CEACAM18: variants seen among roughly 807,000 people sequenced by gnomAD.
CEACAM18 encodes CEA cell adhesion molecule 18, also known as cell adhesion molecule CEACAM18.
In CEACAM18, 33 loss-of-function variants were observed where a neutral mutation model predicts 34.3. That is an observed-to-expected ratio of 0.96 (90% CI 0.73 to 1.29). The LOEUF (loss-of-function observed/expected upper bound fraction) is 1.29. CEACAM18 is among the 50% of genes most tolerant of loss of function. The probability of loss-of-function intolerance (pLI) is 0.00; values close to 1 mark genes in which losing one functional copy is unlikely to be tolerated. For missense variants in CEACAM18, 474 were observed against 485.0 expected, an observed-to-expected ratio of 0.98 and a Z score of 0.21; for synonymous variants, 169 against 180.9, an observed-to-expected ratio of 0.93 and a Z score of 0.53.
rs986031671 is a variant in CEACAM18 at position 51,486,523 on chromosome 19, G to T, written c.1089+1401G>T. On this transcript the variant is annotated intron_variant, in intron 5 of 5. Transcript: ENST00000396477. Reference sequence around the variant, plus strand: ...TACTAAGACTGTAGTAGGAGCAGCCGATGGAACTACTTGAGCCCCCTGGTC... The same window carrying T: ...TACTAAGACTGTAGTAGGAGCAGCCTATGGAACTACTTGAGCCCCCTGGTC... 2.6e-5 allele frequency among the ~76,000 whole-genome samples: 4 copies of T among 151,888 alleles called. No individual in the cohort carries two copies. In the East Asian group the frequency reaches 5.8e-4, roughly 22 times the overall value.
intron 1 of CEACAM18, 83 bp from the exon 2 acceptor site, chr19:51,480,250 A>C: frequency 4.4e-6 from 5 of 1,146,532 alleles, no homozygotes; most frequent in Non-Finnish European, 6.1e-6. Flanking sequence ...TCGTTCCCGG[A>C]TGGTGTCTTT....
chr19:51,483,116 A>C (rs1989944842), exon 4 of CEACAM18: 2 of 1,613,862 alleles, frequency 1.2e-6, no homozygotes, highest in Admixed American at 3.3e-5. Context: ...TGTATCTGCT[A>C]TTCCTTCCTG....
chr19:51,484,926 A>G, intron 4 of CEACAM18, 61 bp from the exon 5 acceptor site: 2 of 1,528,876 alleles, frequency 1.3e-6, no homozygotes, highest in Non-Finnish European at 1.8e-6. Context: ...GGGTGAAGAG[A>G]TGAGTGAATG....
intron 4 of CEACAM18, among the ~76,000 whole-genome samples, chr19:51,483,970 A>C (rs1365182082): frequency 6.6e-6 from 1 of 152,198 alleles, no homozygotes; most frequent in African/African-American, 2.4e-5. Context: ...AGGTAAATGC[A>C]GGGGCTCTAC....
chr19:51,478,708 G>T lies in CEACAM18; in HGVS notation c.52+14G>T. ...TCTTCCTCATGGGTAAGAGATGCTG[G>T]ATGCTGGATGAGCTTCCCAGGACTG... is the stretch of plus-strand genomic sequence containing the variant. On this transcript the variant is annotated intron_variant, in intron 1 of 5. Coordinates refer to ENST00000396477, the Ensembl canonical transcript of CEACAM18. 1 of 1,433,484 alleles carries T rather than the reference G, an allele frequency of 7.0e-7. No homozygotes were observed. Among genetic ancestry groups the T allele is most frequent in the Non-Finnish European group, 9.2e-7 (1 of 1,084,524 alleles). The allele number at this position is 1,433,484 out of a possible 1,614,324, so 88.8% of individuals were successfully genotyped here. A position where few individuals can be genotyped will look rare whatever the true frequency, so the allele number is the denominator to read the frequency against.
intron 5 of CEACAM18, among the ~76,000 whole-genome samples, chr19:51,488,072 A>G (rs1387542120): frequency 6.6e-6 from 1 of 152,182 alleles, no homozygotes. Flanking sequence ...GTAGAAAGAG[A>G]CAACCACTAG....
At chr19:51,490,418 C>T (rs983299493) in intron 5 of CEACAM18, among the ~76,000 whole-genome samples, 169 bp from the exon 6 acceptor site, 24 of 152,098 alleles carry the variant, frequency 1.6e-4, no homozygotes, top group Admixed American at 1.2e-3. Context: ...TGAGGACTCT[C>T]GGTGCAGAGG....
intron 3 of CEACAM18, among the ~76,000 whole-genome samples, chr19:51,482,802 T>C (rs190446214): frequency 6.6e-6 from 1 of 152,306 alleles, no homozygotes; most frequent in East Asian, 1.9e-4. Flanking sequence ...TTTATTACAA[T>C]GTAAATGGCA....
rs1989856154 is a variant in CEACAM18, at chr19:51,478,814, A to G, written c.52+120A>G. 14 of 678,478 alleles carry G rather than the reference A, an allele frequency of 2.1e-5. No individual in the cohort carries two copies. The South Asian group carries it at 4.3e-4, about 21-fold the overall frequency. The allele number at this position is 678,478 out of a possible 1,614,324, so 42.0% of individuals were successfully genotyped here. A position where few individuals can be genotyped will look rare whatever the true frequency, so the allele number is the denominator to read the frequency against. On this transcript the variant is annotated intron_variant, in intron 1 of 5. Transcript: ENST00000396477. The stretch of plus-strand genomic sequence containing the variant: ...CACGGGCACATCAAGAAACTCCCAG[A>G]GCAGGGGTCGGGGAGAGGAGAAGGG...
chr19:51,482,949 A>G (rs978900094), intron 3 of CEACAM18, 68 bp from the exon 4 acceptor site: 7 of 1,567,482 alleles, frequency 4.5e-6, no homozygotes, highest in Non-Finnish European at 6.1e-6. Context: ...TGGCTGGGGG[A>G]GGACTTCATG....
intron 2 of CEACAM18, 35 bp downstream of exon 2, chr19:51,480,715 AG>A (rs1181988857): frequency 6.4e-7 from 1 of 1,562,554 alleles, no homozygotes; most frequent in Non-Finnish European, 8.7e-7. Flanking sequence ...CCAACCCCCA[AG>A]GAGAGCTAGA....
chr19:51,486,710 C>CTTTTTTTTTTT (rs1327201659), intron 5 of CEACAM18, among the ~76,000 whole-genome samples: 2 of 144,520 alleles, frequency 1.4e-5, no homozygotes, highest in African/African-American at 5.2e-5. Context: ...TTCTTTCTTT[C>CTTTTTTTTTTT]TTTCTTTTCT....
intron 5 of CEACAM18, among the ~76,000 whole-genome samples, chr19:51,485,871 C>T (rs983846237): frequency 3.3e-5 from 5 of 152,170 alleles, no homozygotes; most frequent in Middle Eastern, 3.2e-3. Flanking sequence ...TGGTAACAAC[C>T]ACCACCACCC....
At chr19:51,484,020 C>T (rs1026208580) in intron 4 of CEACAM18, among the ~76,000 whole-genome samples, 3 of 152,168 alleles carry the variant, frequency 2.0e-5, no homozygotes, top group Non-Finnish European at 4.4e-5. Flanking sequence ...TCTGCTGCTG[C>T]CTATCTCCAT....
At chr19:51,481,740 C>T (rs547419670) in intron 3 of CEACAM18, 75 bp downstream of exon 3, 8 of 1,471,426 alleles carry the variant, frequency 5.4e-6, no homozygotes, top group African/African-American at 1.4e-5. Context: ...TATGTTAGGA[C>T]AGGCTGAGCT....
chr19:51,481,775 G>C (rs948307492), intron 3 of CEACAM18, 110 bp downstream of exon 3: 1 of 1,146,318 alleles, frequency 8.7e-7, no homozygotes, highest in Non-Finnish European at 1.2e-6. Context: ...TCCTGGGCCA[G>C]CCTGCAGCCA....
At chr19:51,478,971 C>T (rs964583705) in intron 1 of CEACAM18, among the ~76,000 whole-genome samples, 45 of 151,858 alleles carry the variant, frequency 3.0e-4, no homozygotes, top group African/African-American at 1.0e-3. Context: ...CACACACGCG[C>T]GCACACACAG....
chr19:51,483,003 C>T lies in CEACAM18; in HGVS notation c.674-14C>T. The T allele has an allele frequency of 6.2e-7, 1 of 1,611,684 alleles. No individual in the cohort carries two copies. The highest frequency in any genetic ancestry group is 1.1e-5 in the South Asian group (1 of 90,984). The stretch of plus-strand genomic sequence containing the variant: ...TCAGAAACATAGCCTGGGCCTCCTA[C>T]CCTGTCTCTACAGATGGGCCCGACT... On this transcript the variant is annotated splice_polypyrimidine_tract_variant and intron_variant, in intron 3 of 5. Coordinates refer to ENST00000396477, the Ensembl canonical transcript of CEACAM18.
exon 6 of CEACAM18, chr19:51,490,833 G>A: frequency 2.5e-6 from 1 of 393,340 alleles, no homozygotes; most frequent in African/African-American, 2.1e-5. Flanking sequence ...ATGATGTCGT[G>A]GGTAGCGTGG....
Sources: gnomAD v4.1 joint callset for allele counts (sites outside exome capture counted in the v4.1 genomes callset) on GRCh38, gnomAD v4.1.1 for gene constraint, MANE v1.5 for transcripts, NCBI Gene and HGNC (gene_info 2026-07-23, HGNC 2026-07-21) for gene names.